ADGRL2: variants seen among roughly 807,000 people sequenced by gnomAD.
ADGRL2 encodes calcium-independent alpha-latrotoxin receptor 2.
ADGRL2 carries 44 observed loss-of-function variants against 157.4 expected under a neutral mutation model. The observed-to-expected ratio is 0.28, with a 90% CI of 0.22 to 0.36. The LOEUF is 0.36. Among genes scored for constraint, ADGRL2 ranks in the 10% least tolerant of loss-of-function variants. The probability of loss-of-function intolerance (pLI) is 1.00; values close to 1 mark genes in which losing one functional copy is unlikely to be tolerated. For synonymous variants in ADGRL2, 585 were observed against 624.7 expected, an observed-to-expected ratio of 0.94 and a Z score of 0.95; for missense variants, 1,510 against 1,768.9, an observed-to-expected ratio of 0.85 and a Z score of 2.63.
intron 1 of ADGRL2, among the ~76,000 whole-genome samples, chr1:81,723,687 T>G (rs187369524): frequency 1.4e-4 from 21 of 152,326 alleles, no homozygotes; most frequent in Admixed American, 1.3e-3. Context: ...TCAATAAAAC[T>G]AACTGGGACC....
intron 17 of ADGRL2, among the ~76,000 whole-genome samples, chr1:81,972,218 A>G (rs376782604): frequency 6.6e-6 from 1 of 152,128 alleles, no homozygotes; most frequent in African/African-American, 2.4e-5. Flanking sequence ...TGAATATGTC[A>G]GAAAAGTGAA....
chr1:81,817,395 GTCT>G (rs909300583), intron 1 of ADGRL2, among the ~76,000 whole-genome samples: 3 of 151,610 alleles, frequency 2.0e-5, no homozygotes, highest in Non-Finnish European at 4.4e-5. Context: ...GTTTTATTGA[GTCT>G]TCTTCATCAC....
At chr1:81,795,273 G>A (rs1225292615) in intron 2 of ADGRL2, among the ~76,000 whole-genome samples, 2 of 152,040 alleles carry the variant, frequency 1.3e-5, no homozygotes, top group African/African-American at 4.8e-5. Context: ...ACAGCTACTT[G>A]GGAGACTGAG....
chr1:81,685,081 T>C (rs1266909686), intron 3 of ADGRL2, among the ~76,000 whole-genome samples: 1 of 152,176 alleles, frequency 6.6e-6, no homozygotes, highest in African/African-American at 2.4e-5. Context: ...TGCCTCCTGA[T>C]TTGTTCTTTT....
intron 2 of ADGRL2, among the ~76,000 whole-genome samples, chr1:81,902,010 T>G (rs534512744): frequency 6.6e-6 from 1 of 152,274 alleles, no homozygotes; most frequent in South Asian, 2.1e-4. Flanking sequence ...TTATACATTT[T>G]AGGGAGACAT....
chr1:81,508,399 CGTT>C (rs1452544856), intron 2 of ADGRL2, among the ~76,000 whole-genome samples: 4 of 152,138 alleles, frequency 2.6e-5, no homozygotes, highest in Non-Finnish European at 5.9e-5. Context: ...AACACGCTGA[CGTT>C]GTACTCACTT....
intron 3 of ADGRL2, chr1:81,586,001 G>C (rs2081018242): frequency 6.6e-6 from 1 of 151,772 alleles, no homozygotes; most frequent in African/African-American, 2.4e-5. Context: ...GAGCAAAAAG[G>C]TCAGGATATA....
chr1:81,981,533 G>A (rs1161564632), intron 18 of ADGRL2, among the ~76,000 whole-genome samples: 4 of 151,834 alleles, frequency 2.6e-5, no homozygotes. Context: ...AAGTCATAGG[G>A]GATATGTTAC....
chr1:81,976,695 G>T (rs919052270), intron 17 of ADGRL2, among the ~76,000 whole-genome samples: 4 of 151,860 alleles, frequency 2.6e-5, no homozygotes, highest in Admixed American at 2.6e-4. Flanking sequence ...AACAGGTTTA[G>T]AAAAAATACA....
In ADGRL2 at chr1:81,501,823, A is replaced by AGCAGCAG. The variant is rs59597791; in HGVS notation, c.-248+56734_-248+56735insGCAGCAG. On this transcript the variant is annotated intron_variant, in intron 2 of 24. Coordinates refer to the ADGRL2 transcript ENST00000370721. ...AGCAGCAGCAGCAACAGCAGCAGCA[A>AGCAGCAG]CAGAAGCAGCCACACCTGGCTCCTC... 17 of 1,597,116 alleles carry AGCAGCAG rather than the reference A, an allele frequency of 1.1e-5. No homozygotes were observed. In the African/African-American group the frequency reaches 1.5e-4, roughly 14 times the overall value.
At chr1:81,388,945 C>T (rs1395569765) in intron 1 of ADGRL2, among the ~76,000 whole-genome samples, 1 of 152,040 alleles carries the variant, frequency 6.6e-6, no homozygotes, top group Non-Finnish European at 1.5e-5. Context: ...TAGTCTTTTG[C>T]AGTCCCTTGT....
chr1:81,586,732 AG>A (rs2148568104), intron 3 of ADGRL2, among the ~76,000 whole-genome samples: 1 of 152,222 alleles, frequency 6.6e-6, no homozygotes, highest in Admixed American at 6.5e-5. Flanking sequence ...CAGCACAGAG[AG>A]GAAGTTATGA....
intron 2 of ADGRL2, among the ~76,000 whole-genome samples, chr1:81,764,520 T>C (rs969247128): frequency 1.3e-5 from 2 of 152,138 alleles, no homozygotes; most frequent in Non-Finnish European, 2.9e-5. Flanking sequence ...TTTCTTTCCA[T>C]CATATTAGTT....
intron 3 of ADGRL2, among the ~76,000 whole-genome samples, chr1:81,621,778 A>G (rs2081796048): frequency 1.3e-5 from 2 of 152,106 alleles, no homozygotes; most frequent in Non-Finnish European, 2.9e-5. Flanking sequence ...TTAATCCTCT[A>G]AGTCTGAGGT....
intron 2 of ADGRL2, among the ~76,000 whole-genome samples, chr1:81,896,128 G>T (rs2094383439): frequency 6.6e-6 from 1 of 152,134 alleles, no homozygotes; most frequent in Non-Finnish European, 1.5e-5. Context: ...AATTATACCT[G>T]CGGAGATGAT....
chr1:81,792,995 C>T (rs539733311), intron 2 of ADGRL2, among the ~76,000 whole-genome samples: 1 of 152,066 alleles, frequency 6.6e-6, no homozygotes, highest in South Asian at 2.1e-4. Context: ...CTTTTTGCTA[C>T]ATAGGTCTTA....
intron 1 of ADGRL2, among the ~76,000 whole-genome samples, chr1:81,322,421 C>A (rs973700944): frequency 6.6e-6 from 1 of 151,860 alleles, no homozygotes; most frequent in Non-Finnish European, 1.5e-5. Context: ...TGATGTATAT[C>A]AGTTAAAAAC....
At chr1:81,424,332 A>G (rs530576664) in intron 1 of ADGRL2, among the ~76,000 whole-genome samples, 4 of 152,340 alleles carry the variant, frequency 2.6e-5, no homozygotes, top group East Asian at 1.9e-4. Flanking sequence ...GGAAAATTCC[A>G]TGTTCGTCTG....
At chr1:81,517,412 C>T (rs973181968) in intron 2 of ADGRL2, among the ~76,000 whole-genome samples, 1 of 128,558 alleles carries the variant, frequency 7.8e-6, no homozygotes, top group African/African-American at 3.1e-5. Flanking sequence ...TTGCAGTGAG[C>T]GGAGATCATG....
Sources: allele counts gnomAD v4.1 joint callset (sites outside exome capture counted in the v4.1 genomes callset), GRCh38; gene constraint gnomAD v4.1.1; transcripts MANE v1.5; gene names NCBI Gene and HGNC (gene_info 2026-07-23, HGNC 2026-07-21).